The following TPRG1 variants were observed in gnomAD, a reference collection of about 807,000 sequenced individuals.
TPRG1 encodes tumor protein p63 regulated 1.
A neutral mutation model predicts 29.3 loss-of-function variants in TPRG1; 29 were observed. The observed-to-expected ratio is 0.99, with a 90% CI of 0.74 to 1.35. The LOEUF is 1.35. Among genes scored for constraint, TPRG1 ranks in the 40% most tolerant of loss-of-function variants. TPRG1 has a pLI of 0.00. For synonymous variants in TPRG1, 130 were observed against 116.8 expected (o/e 1.11, Z -0.73); for missense variants, 327 against 335.0 (o/e 0.98, Z 0.19).
chr3:189,075,155 C>T (rs528461976), intron 4 of TPRG1, among the ~76,000 whole-genome samples: 18 of 151,314 alleles, frequency 1.2e-4, no homozygotes, highest in African/African-American at 3.2e-4. Flanking sequence ...TTTTTTGAGA[C>T]GAAGTCTCAG....
intron 3 of TPRG1, among the ~76,000 whole-genome samples, chr3:189,229,815 G>A (rs1020291663): frequency 4.6e-5 from 7 of 152,090 alleles, no homozygotes; most frequent in Admixed American, 1.3e-4. Flanking sequence ...TTACAACATC[G>A]CCTCATCTTG....
At chr3:189,053,519 C>T (rs545996361) in intron 4 of TPRG1, among the ~76,000 whole-genome samples, 2 of 152,192 alleles carry the variant, frequency 1.3e-5, no homozygotes, top group African/African-American at 4.8e-5. Flanking sequence ...CCCGCACCCA[C>T]CATGATTGCC....
rs930424104 is a variant in TPRG1, at chr3:189,320,928, C to T, written c.*108C>T. The T allele has an allele frequency of 2.6e-5, 27 of 1,038,818 alleles. No homozygotes were observed. Among genetic ancestry groups the T allele is most frequent in the Middle Eastern group, 2.2e-4 (1 of 4,464 alleles). The allele number at this position is 1,038,818 out of a possible 1,614,324, so 64.4% of individuals were successfully genotyped here. A position where few individuals can be genotyped will look rare whatever the true frequency, so the allele number is the denominator to read the frequency against. ...GAAACAATTAATTATTTTTAAATGACGCTTTATGATTTAGAAATTTAGTAT... is the reference window on the plus strand; with the variant it reads ...GAAACAATTAATTATTTTTAAATGATGCTTTATGATTTAGAAATTTAGTAT... On this transcript the variant is annotated 3_prime_UTR_variant, in exon 6 of 6. Coordinates refer to ENST00000345063, the MANE Select transcript of TPRG1 (RefSeq NM_198485.4).
At chr3:189,219,837 C>T in intron 3 of TPRG1, 1 of 858,540 alleles carries the variant, frequency 1.2e-6, no homozygotes, top group African/African-American at 1.8e-5. Flanking sequence ...TCTTGTTCTT[C>T]ATCTTTATAA....
At chr3:189,228,228 AT>A (rs75758840) in intron 3 of TPRG1, among the ~76,000 whole-genome samples, 4 of 152,016 alleles carry the variant, frequency 2.6e-5, no homozygotes, top group Non-Finnish European at 2.9e-5. Context: ...ATTAATTTAC[AT>A]TTTTTTTCCA....
intron 2 of TPRG1, chr3:189,211,535 A>G (rs1447106698): frequency 2.0e-5 from 3 of 152,164 alleles, no homozygotes; most frequent in Admixed American, 2.0e-4. Flanking sequence ...TGGCCCCTTA[A>G]ACCTCTTGTA....
intron 3 of TPRG1, among the ~76,000 whole-genome samples, chr3:189,217,139 G>C (rs929511566): frequency 6.6e-6 from 1 of 152,138 alleles, no homozygotes; most frequent in Non-Finnish European, 1.5e-5. Flanking sequence ...GACATAAATT[G>C]TCCAAAACTA....
At chr3:189,218,108 A>C in intron 3 of TPRG1, 37 of 841,340 alleles carry the variant, frequency 4.4e-5, no homozygotes, top group Non-Finnish European at 5.0e-5. Flanking sequence ...CACCAACCAC[A>C]CAAGATTCTC....
At chr3:189,182,356 A>G (rs1730339325) in intron 1 of TPRG1, among the ~76,000 whole-genome samples, 1 of 152,348 alleles carries the variant, frequency 6.6e-6, no homozygotes, top group South Asian at 2.1e-4. Context: ...CTGCTTATAC[A>G]TGCATACCCC....
rs369338415 is a variant in TPRG1 at position 189,174,781 on chromosome 3, C to A, written c.-10+2650C>A. Among the ~76,000 whole-genome samples, 7 of 152,268 alleles carry A rather than the reference C, an allele frequency of 4.6e-5. No individual in the cohort carries two copies. In the East Asian group the frequency reaches 5.8e-4, roughly 13 times the overall value. Reference sequence around the variant, plus strand: ...AGTATTAAGCAAGATGACACTGCTGCAGCATAATATTTAGATGCCTATAAA... The same window carrying A: ...AGTATTAAGCAAGATGACACTGCTGAAGCATAATATTTAGATGCCTATAAA... On this transcript the variant is annotated intron_variant, in intron 1 of 5. Transcript: ENST00000345063.
chr3:189,206,830 C>T (rs895440106), intron 1 of TPRG1, among the ~76,000 whole-genome samples: 3 of 49,956 alleles, frequency 6.0e-5, no homozygotes, highest in Admixed American at 1.7e-4. Flanking sequence ...TGTGTGTGTG[C>T]ACGCGTGTAT....
chr3:189,029,450 T>C lies in TPRG1; in HGVS notation c.-463+5504T>C, dbSNP rs144255063. ...TTAATGCCAACCTGTCTCTGTGCTG[T>C]CTTTCATTATAGAACAGACAAAAGC... On this transcript the variant is annotated intron_variant, in intron 4 of 10. Coordinates refer to the TPRG1 transcript ENST00000433971. 4.2e-4 allele frequency among the ~76,000 whole-genome samples: 64 copies of C among 152,314 alleles called. 1 individual carries two copies. The East Asian group carries it at 0.011, about 27-fold the overall frequency.
At chr3:189,048,823 A>G (rs1358899184) in intron 4 of TPRG1, among the ~76,000 whole-genome samples, 2 of 152,210 alleles carry the variant, frequency 1.3e-5, no homozygotes, top group Non-Finnish European at 2.9e-5. Flanking sequence ...GAGTGCCCCA[A>G]CTGCAGAAGA....
chr3:189,163,269 G>A (rs140263481), intron 5 of TPRG1, among the ~76,000 whole-genome samples: 96 of 152,190 alleles, frequency 6.3e-4, no homozygotes, highest in African/African-American at 2.1e-3. Flanking sequence ...GAGAAACTCC[G>A]TCTCAAAAAA....
rs184856323 is a variant in TPRG1 at position 189,201,447 on chromosome 3, G to A, written c.-9-5929G>A. ...GCCTGGTGTTGCAGCTGGTCCGGTA[G>A]GCAGAGAGGGCCAGCAGCCCAGAAG... On this transcript the variant is annotated intron_variant, in intron 1 of 5. Coordinates refer to ENST00000345063, the MANE Select transcript of TPRG1 (RefSeq NM_198485.4). Among the ~76,000 whole-genome samples, 771 of 152,262 alleles carry A rather than the reference G, an allele frequency of 5.1e-3. 3 individuals carry two copies. The highest frequency in any genetic ancestry group is 8.3e-3 in the Non-Finnish European group (567 of 68,028).
chr3:189,197,723 G>A (rs1732772495), intron 1 of TPRG1, among the ~76,000 whole-genome samples: 1 of 152,140 alleles, frequency 6.6e-6, no homozygotes, highest in South Asian at 2.1e-4. Flanking sequence ...GCTGTGAAGG[G>A]GAGAACCCAA....
At chr3:189,207,310 G>T in intron 1 of TPRG1, 66 bp from the exon 2 acceptor site, 2 of 1,565,624 alleles carry the variant, frequency 1.3e-6, no homozygotes, top group Non-Finnish European at 1.7e-6. Flanking sequence ...ATTCTGTTTT[G>T]CCATAGCTAG....
chr3:189,244,085 T>A (rs1445960040), intron 4 of TPRG1, among the ~76,000 whole-genome samples: 1 of 152,164 alleles, frequency 6.6e-6, no homozygotes, highest in Non-Finnish European at 1.5e-5. Context: ...TTCTGTATTA[T>A]TCTGTTCTCT....
chr3:189,220,803 A>G (rs1042177940), intron 3 of TPRG1, among the ~76,000 whole-genome samples: 1 of 152,206 alleles, frequency 6.6e-6, no homozygotes, highest in Non-Finnish European at 1.5e-5. Context: ...ATAGTATTCC[A>G]TGGTGTATAT....
Sources: allele counts gnomAD v4.1 joint callset (sites outside exome capture counted in the v4.1 genomes callset), GRCh38; gene constraint gnomAD v4.1.1; transcripts MANE v1.5; gene names NCBI Gene and HGNC (gene_info 2026-07-23, HGNC 2026-07-21).